TBCA: variants seen among roughly 807,000 people sequenced by gnomAD.
The protein encoded by TBCA is tubulin folding cofactor A, also known as tubulin-specific chaperone A.
A neutral mutation model predicts 15.8 loss-of-function variants in TBCA; 6 were observed. The ratio of observed to expected loss-of-function variants is 0.38; its 90% CI spans 0.21 to 0.75. The LOEUF (loss-of-function observed/expected upper bound fraction) is 0.75. TBCA is among the 30% of genes least tolerant of loss of function. The pLI is 0.46. For synonymous variants in TBCA, 32 were observed against 42.3 expected, an observed-to-expected ratio of 0.76 and a Z score of 0.94; for missense variants, 90 against 131.2, an observed-to-expected ratio of 0.69 and a Z score of 1.53.
chr5:77,753,270 C>T (rs2112496185), intron 1 of TBCA, among the ~76,000 whole-genome samples: 1 of 152,302 alleles, frequency 6.6e-6, no homozygotes, highest in South Asian at 2.1e-4. Flanking sequence ...AATTAAAAGG[C>T]ATGTGAGCTA....
At chr5:77,712,532 TA>T (rs1746303210) in intron 1 of TBCA, among the ~76,000 whole-genome samples, 1 of 152,142 alleles carries the variant, frequency 6.6e-6, no homozygotes, top group Admixed American at 6.5e-5. Context: ...TGTATTAAGA[TA>T]TTTTTCTGTA....
At chr5:77,727,550 A>C (rs1580112150) in intron 1 of TBCA, among the ~76,000 whole-genome samples, 1 of 152,150 alleles carries the variant, frequency 6.6e-6, no homozygotes, top group Non-Finnish European at 1.5e-5. Flanking sequence ...TAAATGTATT[A>C]TCAGCCTAAA....
At chr5:77,751,469 G>A (rs992097267) in intron 1 of TBCA, among the ~76,000 whole-genome samples, 4 of 151,804 alleles carry the variant, frequency 2.6e-5, no homozygotes, top group Non-Finnish European at 2.9e-5. Context: ...ATGAGCCACC[G>A]CGCCGGCCAG....
intron 1 of TBCA, among the ~76,000 whole-genome samples, chr5:77,729,020 T>C (rs755480061): frequency 1.3e-5 from 2 of 152,146 alleles, no homozygotes; most frequent in Non-Finnish European, 2.9e-5. Flanking sequence ...GAGAATTGTA[T>C]TTTTAAATAC....
At chr5:77,731,769 A>G (rs1017851825) in intron 1 of TBCA, among the ~76,000 whole-genome samples, 2 of 152,172 alleles carry the variant, frequency 1.3e-5, no homozygotes, top group African/African-American at 4.8e-5. Context: ...TCGCCTATCA[A>G]TCTTTTCTTT....
chr5:77,709,911 C>G (rs1475203884), intron 1 of TBCA, among the ~76,000 whole-genome samples: 5 of 151,982 alleles, frequency 3.3e-5, no homozygotes, highest in Admixed American at 3.3e-4. Flanking sequence ...ACATAAAAGG[C>G]TACATATTGT....
rs546442664 is a variant in TBCA at position 77,761,844 on chromosome 5, G to A, written c.53+14361C>T. On this transcript the variant is annotated intron_variant, in intron 1 of 3. Transcript: ENST00000380377. The stretch of plus-strand genomic sequence containing the variant: ...TTTATAATACAAGCTACCTCCCAAG[G>A]CCAGATGCTCTAGTGCTAAAAGAAG... Among the ~76,000 whole-genome samples, 3 of 152,262 alleles carry A rather than the reference G, an allele frequency of 2.0e-5. No homozygotes were observed. In the East Asian group the frequency reaches 5.8e-4, roughly 29 times the overall value.
At chr5:77,735,449 G>C (rs1429372973) in intron 1 of TBCA, among the ~76,000 whole-genome samples, 1 of 151,608 alleles carries the variant, frequency 6.6e-6, no homozygotes, top group Non-Finnish European at 1.5e-5. Context: ...AGGCTTTCTT[G>C]CATGCTTTCT....
At chr5:77,732,782 C>T (rs910414314) in intron 1 of TBCA, among the ~76,000 whole-genome samples, 1 of 152,070 alleles carries the variant, frequency 6.6e-6, no homozygotes, top group African/African-American at 2.4e-5. Context: ...ACAAACTGTG[C>T]CTATATAAGA....
chr5:77,773,023 T>C (rs1747947895), intron 1 of TBCA, among the ~76,000 whole-genome samples: 1 of 152,152 alleles, frequency 6.6e-6, no homozygotes, highest in Non-Finnish European at 1.5e-5. Context: ...TAGAAGTCAT[T>C]TCTCATGACT....
intron 1 of TBCA, among the ~76,000 whole-genome samples, chr5:77,772,319 T>C (rs1747933970): frequency 6.6e-6 from 1 of 152,168 alleles, no homozygotes; most frequent in Admixed American, 6.5e-5. Flanking sequence ...ATCTATTTTT[T>C]ACTTTGCTGA....
At chr5:77,724,381 A>G (rs1207210605) in intron 1 of TBCA, among the ~76,000 whole-genome samples, 1 of 152,130 alleles carries the variant, frequency 6.6e-6, no homozygotes, top group African/African-American at 2.4e-5. Context: ...AAAATTATTC[A>G]CATTACATCA....
chr5:77,708,892 T>A (rs1033308046), intron 1 of TBCA, among the ~76,000 whole-genome samples: 1 of 151,944 alleles, frequency 6.6e-6, no homozygotes, highest in Non-Finnish European at 1.5e-5. Context: ...TCTTAATTTT[T>A]AAATTAAAAA....
rs939788063 is a variant in TBCA, at chr5:77,692,760, A to C, written c.246+506T>G. ...TTCTGTATCACAAGGCATTTATACC[A>C]GCAAGTATAAGTGTTATTCAGCTCC... On this transcript the variant is annotated intron_variant, in intron 3 of 3. Coordinates refer to ENST00000380377, the MANE Select transcript of TBCA (RefSeq NM_004607.3). The C allele has an allele frequency of 3.0e-6, 3 of 997,832 alleles. No individual in the cohort carries two copies. In the East Asian group the frequency reaches 3.2e-4, roughly 107 times the overall value. The allele number at this position is 997,832 out of a possible 1,614,324, so 61.8% of individuals were successfully genotyped here.
chr5:77,740,772 T>C (rs1172585593), intron 1 of TBCA, among the ~76,000 whole-genome samples: 3 of 152,068 alleles, frequency 2.0e-5, no homozygotes, highest in Admixed American at 6.6e-5. Flanking sequence ...GGAGTGCTGA[T>C]GGAGTAAAAA....
chr5:77,747,936 C>T (rs535973981), intron 1 of TBCA, among the ~76,000 whole-genome samples: 1 of 152,250 alleles, frequency 6.6e-6, no homozygotes, highest in East Asian at 1.9e-4. Context: ...AAATATTCAA[C>T]ATAGTCTCCA....
intron 1 of TBCA, among the ~76,000 whole-genome samples, chr5:77,730,151 G>A (rs1278881166): frequency 6.6e-6 from 1 of 152,160 alleles, no homozygotes; most frequent in African/African-American, 2.4e-5. Flanking sequence ...CAAAATTCAT[G>A]TCAACCCAGA....
chr5:77,732,566 A>G (rs1487390979), intron 1 of TBCA, among the ~76,000 whole-genome samples: 1 of 151,570 alleles, frequency 6.6e-6, no homozygotes, highest in Admixed American at 6.6e-5. Context: ...AAAAAAAAAA[A>G]AAAAAAAAAA....
chr5:77,773,842 C>T (rs1174939903), intron 1 of TBCA, among the ~76,000 whole-genome samples: 1 of 152,220 alleles, frequency 6.6e-6, no homozygotes, highest in Non-Finnish European at 1.5e-5. Flanking sequence ...AACAAAATAA[C>T]TTGCTTCTTC....
Sources: gnomAD v4.1 joint callset for allele counts (sites outside exome capture counted in the v4.1 genomes callset) on GRCh38, gnomAD v4.1.1 for gene constraint, MANE v1.5 for transcripts, NCBI Gene and HGNC (gene_info 2026-07-23, HGNC 2026-07-21) for gene names.